BMPR1B: variants seen among roughly 807,000 people sequenced by gnomAD.
BMPR1B encodes the protein bone morphogenetic protein receptor type 1B.
In BMPR1B, 12 loss-of-function variants were observed where a neutral mutation model predicts 59.1. That is an observed-to-expected ratio of 0.20 (90% CI 0.13 to 0.33). The LOEUF (loss-of-function observed/expected upper bound fraction) is 0.33. BMPR1B is among the 10% of genes least tolerant of loss of function. The probability of loss-of-function intolerance (pLI) is 1.00; values close to 1 mark genes in which losing one functional copy is unlikely to be tolerated. For missense variants in BMPR1B, 550 were observed against 610.9 expected (o/e 0.90, Z 1.05); for synonymous variants, 237 against 207.3 (o/e 1.14, Z -1.23).
chr4:94,979,476 G>A (rs1300536033), intron 2 of BMPR1B, among the ~76,000 whole-genome samples: 1 of 152,170 alleles, frequency 6.6e-6, no homozygotes, highest in Non-Finnish European at 1.5e-5. Flanking sequence ...ACTGTGGGTG[G>A]TGCATGTTTT....
At chr4:95,030,158 T>A (rs1210414001) in intron 3 of BMPR1B, among the ~76,000 whole-genome samples, 6 of 152,138 alleles carry the variant, frequency 3.9e-5, no homozygotes, top group Admixed American at 1.3e-4. Flanking sequence ...TTGTTGCCAT[T>A]GCTTTTGGTG....
At chr4:95,152,269 C>G (rs1207223519) in intron 11 of BMPR1B, among the ~76,000 whole-genome samples, 1 of 152,072 alleles carries the variant, frequency 6.6e-6, no homozygotes, top group South Asian at 2.1e-4. Context: ...GTAATAGAAA[C>G]AGTCACATGT....
At chr4:94,796,163 C>T (rs1012877915) in intron 1 of BMPR1B, among the ~76,000 whole-genome samples, 1 of 152,042 alleles carries the variant, frequency 6.6e-6, no homozygotes, top group Admixed American at 6.6e-5. Flanking sequence ...TGGGGTTTCA[C>T]CATGTTGGCC....
At chr4:94,803,152 A>G (rs1383791008) in intron 1 of BMPR1B, among the ~76,000 whole-genome samples, 2 of 152,154 alleles carry the variant, frequency 1.3e-5, no homozygotes, top group Non-Finnish European at 2.9e-5. Context: ...TTGCGGGACC[A>G]TAGAAACCTT....
chr4:95,031,580 T>C (rs538738114), intron 3 of BMPR1B, among the ~76,000 whole-genome samples: 4 of 152,064 alleles, frequency 2.6e-5, no homozygotes, highest in Non-Finnish European at 5.9e-5. Flanking sequence ...CACCTCAGCT[T>C]TTCAAGTAGC....
intron 4 of BMPR1B, among the ~76,000 whole-genome samples, chr4:95,105,492 C>T (rs1368513524): frequency 3.4e-4 from 51 of 150,400 alleles, no homozygotes; most frequent in African/African-American, 1.1e-3. Flanking sequence ...TTTTTCCTTT[C>T]TGAGAGCTTT....
In BMPR1B at chr4:95,002,715, TA is replaced by T. The variant is rs1211238022; in HGVS notation, c.-18+6587del. 3.9e-5 allele frequency among the ~76,000 whole-genome samples: 6 copies of T among 152,274 alleles called. No homozygotes were observed. The East Asian group carries it at 1.2e-3, about 29-fold the overall frequency. On this transcript the variant is annotated intron_variant, in intron 3 of 12. Coordinates refer to ENST00000515059, the MANE Select transcript of BMPR1B (RefSeq NM_001203.3). ...AGTGATCTTCATGGTTCTCCATCAA[TA>T]AAAAAGCCTGGTTATCCCTTTGTGA...
chr4:94,971,673 A>G (rs1212548759), intron 2 of BMPR1B, among the ~76,000 whole-genome samples: 3 of 151,926 alleles, frequency 2.0e-5, no homozygotes, highest in South Asian at 4.2e-4. Flanking sequence ...TTTAAAATAA[A>G]ATATGAGCTT....
intron 6 of BMPR1B, among the ~76,000 whole-genome samples, chr4:95,123,418 A>G (rs1376582841): frequency 1.3e-5 from 2 of 152,132 alleles, no homozygotes; most frequent in African/African-American, 4.8e-5. Context: ...AATTCATGGT[A>G]TAGAGTACTC....
At chr4:94,914,644 T>C (rs17022567) in intron 2 of BMPR1B, among the ~76,000 whole-genome samples, 7,234 of 152,138 alleles carry the variant, frequency 0.048, 414 homozygotes, top group African/African-American at 0.13. Context: ...TACAGTTGAA[T>C]GAGGAGGCTG....
At chr4:94,849,488 A>C (rs1265671572) in intron 1 of BMPR1B, among the ~76,000 whole-genome samples, 1 of 152,110 alleles carries the variant, frequency 6.6e-6, no homozygotes, top group Non-Finnish European at 1.5e-5. Flanking sequence ...CAGCTGGAAT[A>C]GGAAATGAGG....
At chr4:94,762,475 C>G (rs1026374330) in intron 1 of BMPR1B, among the ~76,000 whole-genome samples, 2 of 152,060 alleles carry the variant, frequency 1.3e-5, no homozygotes, top group Non-Finnish European at 2.9e-5. Context: ...AAAGAACTTC[C>G]TATCAGAGGA....
At position 95,109,824 on chromosome 4, in the gene BMPR1B, AG is replaced by A. The variant is rs548044859; in HGVS notation, c.144-4895del. Among the ~76,000 whole-genome samples the A allele has an allele frequency of 3.0e-4, 45 of 151,178 alleles. 1 individual carries two copies. In the South Asian group the frequency reaches 6.3e-3, roughly 21 times the overall value. On this transcript the variant is annotated intron_variant, in intron 4 of 12. Transcript: ENST00000515059. Reference sequence around the variant, plus strand: ...TGCTGCACCCATTAACTCGTCATTTAGCATTAGGTGTATCTCCTAATGCTAT... The same window carrying A: ...TGCTGCACCCATTAACTCGTCATTTACATTAGGTGTATCTCCTAATGCTAT...
intron 2 of BMPR1B, among the ~76,000 whole-genome samples, chr4:94,936,433 G>A (rs1051920780): frequency 5.3e-5 from 8 of 152,106 alleles, no homozygotes; most frequent in Admixed American, 4.6e-4. Context: ...ACCCATTGTC[G>A]AAAGAAAGCC....
chr4:94,966,671 G>A (rs1209789846), intron 2 of BMPR1B, among the ~76,000 whole-genome samples: 2 of 152,156 alleles, frequency 1.3e-5, no homozygotes, highest in East Asian at 3.8e-4. Flanking sequence ...GAATTGCATA[G>A]CCTTCACTTG....
chr4:95,152,062 T>C (rs553309953), intron 11 of BMPR1B, among the ~76,000 whole-genome samples: 2 of 152,128 alleles, frequency 1.3e-5, no homozygotes, highest in Non-Finnish European at 2.9e-5. Context: ...AAAATTTGGA[T>C]AAATATAGGA....
intron 1 of BMPR1B, among the ~76,000 whole-genome samples, chr4:94,781,669 C>T (rs184155154): frequency 6.6e-6 from 1 of 152,336 alleles, no homozygotes; most frequent in East Asian, 1.9e-4. Context: ...CTCAGCCTCC[C>T]AAAGTGCTGG....
At chr4:94,810,194 C>T (rs899304769) in intron 1 of BMPR1B, among the ~76,000 whole-genome samples, 5 of 152,176 alleles carry the variant, frequency 3.3e-5, no homozygotes, top group African/African-American at 1.2e-4. Flanking sequence ...GCATTATTTG[C>T]TTTCAAGCCC....
At chr4:94,776,290 A>G (rs1722367577) in intron 1 of BMPR1B, among the ~76,000 whole-genome samples, 1 of 152,150 alleles carries the variant, frequency 6.6e-6, no homozygotes. Context: ...ATTTGGGAGT[A>G]TTTGATCAAA....
Sources: allele counts gnomAD v4.1 joint callset (sites outside exome capture counted in the v4.1 genomes callset), GRCh38; gene constraint gnomAD v4.1.1; transcripts MANE v1.5; gene names NCBI Gene and HGNC (gene_info 2026-07-23, HGNC 2026-07-21).